The following MMD2 variants were observed in gnomAD, a reference collection of about 807,000 sequenced individuals.
MMD2 encodes the protein monocyte to macrophage differentiation factor 2.
A neutral mutation model predicts 33.5 loss-of-function variants in MMD2; 30 were observed. That is an observed-to-expected ratio of 0.90 (90% CI 0.67 to 1.22). The LOEUF (loss-of-function observed/expected upper bound fraction) is 1.22, where lower values mean the gene tolerates loss of function less well. MMD2 is among the 50% of genes most tolerant of loss of function. MMD2 has a pLI of 0.00. For missense variants in MMD2, 364 were observed against 325.4 expected (o/e 1.12, Z -0.91); for synonymous variants, 129 against 123.0 (o/e 1.05, Z -0.32).
In MMD2 at chr7:4,957,211, G is replaced by A. The variant is rs988570960; in HGVS notation, c.47+1760C>T. Among the ~76,000 whole-genome samples, 16 of 151,378 alleles carry A rather than the reference G, an allele frequency of 1.1e-4. No individual in the cohort carries two copies. In the East Asian group the frequency reaches 2.9e-3, roughly 28 times the overall value. On this transcript the variant is annotated intron_variant, in intron 1 of 6. Transcript: ENST00000401401. ...ATATATAAATTATCTGGGTATTGTC[G>A]TGGTCCATACCTGGAATCCCAGCTA...
chr7:4,945,613 C>T (rs1286944565), intron 1 of MMD2, among the ~76,000 whole-genome samples: 1 of 151,406 alleles, frequency 6.6e-6, no homozygotes, highest in Non-Finnish European at 1.5e-5. Context: ...CTCACTCTGC[C>T]GCCCAGGCTG....
chr7:4,938,936 G>A (rs1033739621), intron 1 of MMD2, among the ~76,000 whole-genome samples: 21 of 151,878 alleles, frequency 1.4e-4, no homozygotes, highest in African/African-American at 4.6e-4. Flanking sequence ...GGCTGGGCTC[G>A]ATGGCTCACG....
At chr7:4,953,691 G>A (rs942771102) in intron 1 of MMD2, among the ~76,000 whole-genome samples, 7 of 151,834 alleles carry the variant, frequency 4.6e-5, no homozygotes, top group African/African-American at 1.7e-4. Flanking sequence ...GGCTGGTCTC[G>A]AACTCCTGAC....
chr7:4,909,856 T>G, intron 6 of MMD2, 25 bp downstream of exon 6: 1 of 1,599,620 alleles, frequency 6.3e-7, no homozygotes, highest in Non-Finnish European at 8.5e-7. Flanking sequence ...CAGGGACTCA[T>G]CTATGCAGGG....
chr7:4,920,235 G>A lies in MMD2; in HGVS notation c.226C>T (p.Leu76Phe), dbSNP rs1046441056. The change falls in exon 3 of 7, where the codon CTC becomes TTC. Residue 76 changes from leucine (L) to phenylalanine (F), a missense_variant. By Grantham distance (22) the Leu-to-Phe change is conservative. Coordinates refer to ENST00000401401, the MANE Select transcript of MMD2 (RefSeq NM_198403.4). ...GTGGACACCACGAAGAGGCCGCAGA[G>A]GCCGAGGCCGTAGATCCAGGCAGAG... ...TISAWIYGLG[L>F]CGLFVVSTVF... 1 of 1,592,208 alleles carries A rather than the reference G, an allele frequency of 6.3e-7. No individual in the cohort carries two copies. Among genetic ancestry groups the A allele is most frequent in the Non-Finnish European group, 8.5e-7 (1 of 1,170,122 alleles).
At chr7:4,931,368 G>C (rs1183300295) in intron 1 of MMD2, among the ~76,000 whole-genome samples, 1 of 151,860 alleles carries the variant, frequency 6.6e-6, no homozygotes, top group African/African-American at 2.4e-5. Context: ...GTCCAGGCTG[G>C]TCTCAAACTC....
chr7:4,926,561 G>A (rs1162932476), intron 1 of MMD2, among the ~76,000 whole-genome samples: 1 of 151,660 alleles, frequency 6.6e-6, no homozygotes, highest in Non-Finnish European at 1.5e-5. Flanking sequence ...CCCTCCCATG[G>A]GTACCTCTTC....
intron 6 of MMD2, among the ~76,000 whole-genome samples, chr7:4,908,698 A>G (rs1052458210): frequency 3.3e-5 from 5 of 151,426 alleles, no homozygotes; most frequent in Non-Finnish European, 5.9e-5. Flanking sequence ...GGAGTTCGAG[A>G]CCAGCCTGGC....
the MMD2 span, among the ~76,000 whole-genome samples, chr7:4,893,930 C>T: frequency 6.6e-6 from 1 of 152,122 alleles, no homozygotes; most frequent in African/African-American, 2.4e-5. Context: ...TCCTCGCCAT[C>T]TTGGTTTTGG....
chr7:4,925,467 T>C lies in MMD2; in HGVS notation c.113A>G (p.Asn38Ser), dbSNP rs778988730. ...YQPTEYEHAA[N>S]CATHAFWIIP... The stretch of plus-strand genomic sequence containing the variant: ...CCAACTCACAGCATGGGTGGCACAG[T>C]TGGCCGCATGTTCATACTCTGTGGG... Residue 38 changes from asparagine to serine, a missense_variant, in exon 2 of 7, where the codon AAC becomes AGC. By Grantham distance (46) the Asn-to-Ser change is conservative (BLOSUM62 1). Coordinates refer to ENST00000401401, the MANE Select transcript of MMD2 (RefSeq NM_198403.4). The C allele has an allele frequency of 2.3e-5, 36 of 1,563,336 alleles. No individual in the cohort carries two copies. The highest frequency in any genetic ancestry group is 3.0e-5 in the Non-Finnish European group (34 of 1,151,762).
Position 4,930,113 on chromosome 7 carries a change from C to CA in MMD2, c.48-4582dup, listed in dbSNP as rs919477830. ...TGAAACCCCATCTCTACTAAAAATA[C>CA]AAAAAAAATAGCTGAGTGTGGTGGC... On this transcript the variant is annotated intron_variant, in intron 1 of 6. Coordinates refer to ENST00000401401, the MANE Select transcript of MMD2 (RefSeq NM_198403.4). Among the ~76,000 whole-genome samples, 12 of 149,402 alleles carry CA rather than the reference C, an allele frequency of 8.0e-5. No homozygotes were observed. The South Asian group carries it at 8.6e-4, about 11-fold the overall frequency.
At chr7:4,902,641 C>CATT (rs1004612531), downstream of MMD2, among the ~76,000 whole-genome samples, 4 of 152,220 alleles carry the variant, frequency 2.6e-5, no homozygotes, top group African/African-American at 9.7e-5. Context: ...ACGCCTGTGA[C>CATT]ATTAGCATGC....
chr7:4,928,301 G>A (rs1233838697), intron 1 of MMD2, among the ~76,000 whole-genome samples: 1 of 152,184 alleles, frequency 6.6e-6, no homozygotes, highest in Non-Finnish European at 1.5e-5. Flanking sequence ...GGCACTTTCT[G>A]TATGCTGGCG....
At chr7:4,900,582 G>A in the MMD2 span, among the ~76,000 whole-genome samples, 2 of 152,210 alleles carry the variant, frequency 1.3e-5, no homozygotes, top group East Asian at 1.9e-4. Context: ...TCTCCAGGGT[G>A]CCCTAAGGAT....
downstream of MMD2, chr7:4,905,853 G>C (rs947011098): frequency 2.0e-5 from 3 of 152,706 alleles, no homozygotes; most frequent in African/African-American, 7.2e-5. The surrounding 1 kb of genome is among the most constrained non-coding windows in gnomAD (Gnocchi z 5.0). Flanking sequence ...CCAGGCATTA[G>C]GAGTGCCTGT....
At chr7:4,904,677 C>A (rs1784838236), downstream of MMD2, among the ~76,000 whole-genome samples, 1 of 152,202 alleles carries the variant, frequency 6.6e-6, no homozygotes. Flanking sequence ...GCTGCATCTT[C>A]AAGCAGCCCA....
rs777809551 is a variant in MMD2, at chr7:4,906,521, T to A, written c.*875A>T. 2.5e-6 allele frequency: 1 copy of A among 398,528 alleles called. No homozygotes were observed. The highest frequency in any genetic ancestry group is 1.3e-4 in the South Asian group (1 of 7,868). 24.7% of individuals were successfully genotyped at this position (398,528 alleles called of 1,614,324 possible). ...CCATCTTATGAATGAATAGCTCTCG[T>A]AATGTCTCTGGATTTTTGGAGATGG... On this transcript the variant is annotated 3_prime_UTR_variant, in exon 7 of 7. Transcript: ENST00000401401.
intron 3 of MMD2, among the ~76,000 whole-genome samples, chr7:4,918,065 G>C (rs992983079): frequency 6.6e-6 from 1 of 152,174 alleles, no homozygotes; most frequent in Non-Finnish European, 1.5e-5. Flanking sequence ...TAGCTCACCA[G>C]CCAAGTGAGG....
chr7:4,932,089 G>T (rs1188773851), intron 1 of MMD2, among the ~76,000 whole-genome samples: 1 of 152,198 alleles, frequency 6.6e-6, no homozygotes. Context: ...CAAACACCAG[G>T]AAACCACCAA....
Sources: gnomAD v4.1 joint callset for allele counts (sites outside exome capture counted in the v4.1 genomes callset) on GRCh38, gnomAD v4.1.1 for gene constraint, Gnocchi (gnomAD v3.1) non-coding constraint, MANE v1.5 for transcripts, NCBI Gene and HGNC (gene_info 2026-07-23, HGNC 2026-07-21) for gene names.